ZNF578: variants seen among roughly 807,000 people sequenced by gnomAD.
ZNF578 encodes Putative chemokine-related protein B42.
A neutral mutation model predicts 8.3 loss-of-function variants in ZNF578; 8 were observed. That is an observed-to-expected ratio of 0.96 (90% CI 0.56 to 1.74). ZNF578 has a LOEUF of 1.74. Ranked by LOEUF, ZNF578 falls within the 40% of genes most tolerant of loss-of-function variation. The pLI is 0.00. For missense variants in ZNF578, 726 were observed against 707.5 expected (o/e 1.03, Z -0.30); for synonymous variants, 206 against 232.2 (o/e 0.89, Z 1.03).
rs983573764 is a variant in ZNF578, at chr19:52,513,062, C to G, written c.*908C>G. Among the ~76,000 whole-genome samples, 8 of 152,186 alleles carry G rather than the reference C, an allele frequency of 5.3e-5. No individual in the cohort carries two copies. The highest frequency in any genetic ancestry group is 1.5e-5 in the Non-Finnish European group (1 of 68,012). ...TGAGATGGAGTGTTGCTCTTGCTGC[C>G]CAGGCTAGAGTGCAATGGTGCGATC... On this transcript the variant is annotated 3_prime_UTR_variant, in exon 6 of 6. Coordinates refer to ENST00000421239, the MANE Select transcript of ZNF578 (RefSeq NM_001099694.2).
At chr19:52,488,751 A>T (rs905457581) in intron 2 of ZNF578, among the ~76,000 whole-genome samples, 2 of 151,206 alleles carry the variant, frequency 1.3e-5, no homozygotes, top group South Asian at 2.1e-4. Context: ...GTCACTGCAC[A>T]CCAGCCTGGG....
At chr19:52,463,540 T>C (rs867116634) in intron 2 of ZNF578, among the ~76,000 whole-genome samples, 1 of 105,658 alleles carries the variant, frequency 9.5e-6, no homozygotes, top group South Asian at 3.7e-4. Context: ...TCCTGGAAGA[T>C]TGGTATGTGC....
intron 2 of ZNF578, among the ~76,000 whole-genome samples, chr19:52,488,492 C>G (rs979618842): frequency 1.3e-5 from 2 of 151,904 alleles, no homozygotes; most frequent in African/African-American, 4.8e-5. Context: ...TCCTGTAGTC[C>G]CAGCTACTCA....
chr19:52,504,728 G>C lies in ZNF578; in HGVS notation c.137G>C (p.Arg46Thr), dbSNP rs773795097. The change falls in exon 5 of 6, where the codon AGG becomes ACG. Residue 46 changes from arginine to threonine, a missense_variant. Physicochemically the swap from Arg to Thr is moderately conservative, Grantham distance 71. Transcript: ENST00000421239. Reference protein sequence around the residue: ...AEWKFLNPAQRALYREVMLEN... With the variant: ...AEWKFLNPAQTALYREVMLEN... ...TGGAAATTCCTGAACCCTGCGCAGA[G>C]GGCTTTGTACAGGGAAGTGATGTTG... 2 of 1,614,038 alleles carry C rather than the reference G, an allele frequency of 1.2e-6. No homozygotes were observed. Among genetic ancestry groups the C allele is most frequent in the African/African-American group, 2.7e-5 (2 of 74,918 alleles).
At position 52,511,973 on chromosome 19, in the gene ZNF578, G is replaced by A. The variant is rs2122996728; in HGVS notation, c.1592G>A (p.Arg531Lys). The A allele has an allele frequency of 6.2e-7, 1 of 1,614,024 alleles. No homozygotes were observed. Among genetic ancestry groups the A allele is most frequent in the Non-Finnish European group, 8.5e-7 (1 of 1,179,986 alleles). The stretch of plus-strand genomic sequence containing the variant: ...CAGTCACACCTTTCACGTCATCATA[G>A]ACTTCATACTGGAGAGAAACCTTAC... ...NVQSHLSRHH[R>K]LHTGEKPYKC... Residue 531 changes from arginine (R) to lysine (K), a missense_variant, in exon 6 of 6, where the codon AGA becomes AAA. Transcript: ENST00000421239.
intron 3 of ZNF578, among the ~76,000 whole-genome samples, chr19:52,500,139 T>C (rs974601416): frequency 6.6e-6 from 1 of 152,158 alleles, no homozygotes; most frequent in Non-Finnish European, 1.5e-5. Context: ...CCCACAGCCC[T>C]CATTCGACAC....
Position 52,514,145 on chromosome 19 carries a change from A to G in ZNF578, c.*1991A>G, listed in dbSNP as rs1396412639. 6.7e-6 allele frequency among the ~76,000 whole-genome samples: 1 copy of G among 149,876 alleles called. No homozygotes were observed. Among genetic ancestry groups the G allele is most frequent in the East Asian group, 2.0e-4 (1 of 5,118 alleles). On this transcript the variant is annotated 3_prime_UTR_variant, in exon 6 of 6. Transcript: ENST00000421239. Reference sequence around the variant, plus strand: ...TCTATTTATTTTTTCTTTTTTGCAGATTGAGTTTGAGATATATCTTAGTTT... The same window carrying G: ...TCTATTTATTTTTTCTTTTTTGCAGGTTGAGTTTGAGATATATCTTAGTTT...
In ZNF578 at chr19:52,516,412, C is replaced by T. The variant is rs1421998138; in HGVS notation, c.*4258C>T. ...TTCTCCAGAAGGGGAGCCAGAGTTT[C>T]CCTGTAGGAGTTTATCCTCCATGGT... On this transcript the variant is annotated 3_prime_UTR_variant, in exon 6 of 6. Coordinates refer to ENST00000421239, the MANE Select transcript of ZNF578 (RefSeq NM_001099694.2). 6.6e-6 allele frequency among the ~76,000 whole-genome samples: 1 copy of T among 152,146 alleles called. No individual in the cohort carries two copies. Among genetic ancestry groups the T allele is most frequent in the Middle Eastern group, 3.2e-3 (1 of 316 alleles).
intron 3 of ZNF578, chr19:52,492,749 C>CCTA (rs2059370392): frequency 6.6e-6 from 1 of 152,326 alleles, no homozygotes; most frequent in South Asian, 2.1e-4. Flanking sequence ...GCGCTCCGAC[C>CCTA]CTACCCCGCC....
At chr19:52,492,889 A>G (rs1373397842) in intron 3 of ZNF578, 3 of 152,320 alleles carry the variant, frequency 2.0e-5, no homozygotes, top group Admixed American at 6.5e-5. Flanking sequence ...TGTTGTGTTA[A>G]GTCTGCGCTT....
chr19:52,473,543 G>A (rs1299284200), intron 2 of ZNF578: 6 of 162,044 alleles, frequency 3.7e-5, no homozygotes, highest in African/African-American at 7.2e-5. Flanking sequence ...CACACTAAAT[G>A]CTTAGCTATA....
intron 3 of ZNF578, among the ~76,000 whole-genome samples, chr19:52,496,325 G>GTTATTTATTTATTTAT (rs143811534): frequency 0.025 from 3,662 of 146,068 alleles, 83 homozygotes; most frequent in Non-Finnish European, 0.025. Flanking sequence ...CTCATTTGTT[G>GTTATTTATTTATTTAT]TTATTTATTT....
intron 2 of ZNF578, among the ~76,000 whole-genome samples, chr19:52,459,717 G>GTGTGTA (rs1568454087): frequency 6.8e-4 from 4 of 5,868 alleles, no homozygotes; most frequent in Admixed American, 1.7e-3. Flanking sequence ...GTAGATATGT[G>GTGTGTA]TGTGTGTGTG....
intron 2 of ZNF578, among the ~76,000 whole-genome samples, chr19:52,485,595 CAT>C (rs1285990911): frequency 6.6e-6 from 1 of 152,066 alleles, no homozygotes; most frequent in Non-Finnish European, 1.5e-5. Context: ...AAGAAGTAGA[CAT>C]AAGAGACTTC....
chr19:52,488,701 T>C (rs182480413), intron 2 of ZNF578, among the ~76,000 whole-genome samples: 6 of 151,062 alleles, frequency 4.0e-5, no homozygotes, highest in Admixed American at 1.3e-4. Flanking sequence ...GGAAAATTGC[T>C]TGAACCCAGG....
intron 2 of ZNF578, among the ~76,000 whole-genome samples, chr19:52,482,189 A>AC (rs2059328970): frequency 6.6e-6 from 1 of 152,074 alleles, no homozygotes; most frequent in East Asian, 1.9e-4. Context: ...ATGCACCACA[A>AC]CGCCCGGCTA....
At chr19:52,466,847 G>A (rs2059276717) in intron 2 of ZNF578, among the ~76,000 whole-genome samples, 1 of 152,044 alleles carries the variant, frequency 6.6e-6, no homozygotes, top group South Asian at 2.1e-4. Context: ...TTCCTACACT[G>A]TCACACTGAG....
intron 2 of ZNF578, among the ~76,000 whole-genome samples, chr19:52,478,609 T>G (rs2059315367): frequency 6.6e-6 from 1 of 152,132 alleles, no homozygotes; most frequent in Admixed American, 6.6e-5. Flanking sequence ...TCCAGCAGAA[T>G]AAGAAGGAGA....
intron 2 of ZNF578, among the ~76,000 whole-genome samples, chr19:52,479,462 G>T (rs904133874): frequency 6.7e-6 from 1 of 148,158 alleles, no homozygotes; most frequent in African/African-American, 2.5e-5. Context: ...GAGAACCTGA[G>T]AGTCAGAGCT....
Sources: gnomAD v4.1 joint callset for allele counts (sites outside exome capture counted in the v4.1 genomes callset) on GRCh38, gnomAD v4.1.1 for gene constraint, MANE v1.5 for transcripts, NCBI Gene and HGNC (gene_info 2026-07-23, HGNC 2026-07-21) for gene names.